THEMIS: variants seen among roughly 807,000 people sequenced by gnomAD.
THEMIS encodes the protein thymocyte selection associated.
THEMIS carries 37 observed loss-of-function variants against 52.6 expected under a neutral mutation model. That is an observed-to-expected ratio of 0.70 (90% CI 0.54 to 0.93). The LOEUF (loss-of-function observed/expected upper bound fraction) is 0.93, where lower values mean the gene tolerates loss of function less well. THEMIS is among the 40% of genes least tolerant of loss of function. THEMIS has a pLI of 0.00. For synonymous variants in THEMIS, 292 were observed against 272.7 expected (o/e 1.07, Z -0.70); for missense variants, 808 against 763.1 (o/e 1.06, Z -0.69).
intron 1 of THEMIS, among the ~76,000 whole-genome samples, chr6:127,878,554 A>G (rs1158577168): frequency 6.6e-6 from 1 of 152,224 alleles, no homozygotes; most frequent in African/African-American, 2.4e-5. Flanking sequence ...GCTATCATCT[A>G]CTTTCAAGAA....
chr6:127,721,872 T>C (rs1562214089), intron 4 of THEMIS, among the ~76,000 whole-genome samples: 1 of 152,052 alleles, frequency 6.6e-6, no homozygotes, highest in Non-Finnish European at 1.5e-5. Flanking sequence ...ATAAGCTTCA[T>C]GTTTGTTCAT....
intron 1 of THEMIS, among the ~76,000 whole-genome samples, chr6:127,876,024 T>G (rs946691492): frequency 6.6e-6 from 1 of 152,222 alleles, no homozygotes; most frequent in Non-Finnish European, 1.5e-5. Context: ...TTATCTGACA[T>G]CCAATGTTTT....
rs539302528 is a variant in THEMIS at position 127,759,158 on chromosome 6, A to G, written c.1759-39335T>C. On this transcript the variant is annotated intron_variant, in intron 4 of 5. Transcript: ENST00000368248. The stretch of plus-strand genomic sequence containing the variant: ...ATTTAAGCATAAATTTATACAGGGG[A>G]ATGAAGTAATACTTTTAAATAAAGA... Among the ~76,000 whole-genome samples, 49 of 152,306 alleles carry G rather than the reference A, an allele frequency of 3.2e-4. No individual in the cohort carries two copies. The South Asian group carries it at 7.0e-3, about 22-fold the overall frequency.
At chr6:127,741,195 C>A (rs1045241186) in intron 4 of THEMIS, among the ~76,000 whole-genome samples, 1 of 152,166 alleles carries the variant, frequency 6.6e-6, no homozygotes, top group Non-Finnish European at 1.5e-5. Flanking sequence ...AAGTTATAAA[C>A]CTATGCGTAA....
At chr6:127,848,076 C>G (rs1228860637) in intron 2 of THEMIS, among the ~76,000 whole-genome samples, 5 of 104,328 alleles carry the variant, frequency 4.8e-5, no homozygotes, top group Non-Finnish European at 9.9e-5. Context: ...CCCTCCCCCC[C>G]ACCCCACAAC....
chr6:127,858,969 A>T (rs897464255), intron 1 of THEMIS, among the ~76,000 whole-genome samples: 28 of 152,086 alleles, frequency 1.8e-4, no homozygotes, highest in African/African-American at 6.8e-4. Flanking sequence ...ACACATTAAT[A>T]TCCTTTTATG....
intron 4 of THEMIS, among the ~76,000 whole-genome samples, chr6:127,793,887 G>C (rs1777241457): frequency 6.6e-6 from 1 of 152,144 alleles, no homozygotes; most frequent in South Asian, 2.1e-4. Flanking sequence ...GCCAGGGCGA[G>C]AACCATATTC....
chr6:127,719,531 A>G (rs11758347), intron 5 of THEMIS, among the ~76,000 whole-genome samples, 157 bp downstream of exon 5: 8,360 of 152,074 alleles, frequency 0.055, 265 homozygotes, highest in Non-Finnish European at 0.08. Context: ...CATGCTTCAC[A>G]TAAATCTTCA....
intron 4 of THEMIS, among the ~76,000 whole-genome samples, chr6:127,725,843 G>A (rs904062781): frequency 6.6e-6 from 1 of 152,010 alleles, no homozygotes; most frequent in Non-Finnish European, 1.5e-5. Context: ...GCAGCCTTAC[G>A]TTGTTTACAG....
intron 4 of THEMIS, among the ~76,000 whole-genome samples, chr6:127,746,912 T>A (rs13211983): frequency 0.34 from 20,122 of 58,812 alleles, 4,006 homozygotes; most frequent in Non-Finnish European, 0.45. Flanking sequence ...ATATTATATA[T>A]AATTATATAT....
rs150519119 is a variant in THEMIS, at chr6:127,789,876, T to G, written c.1758+23007A>C. On this transcript the variant is annotated intron_variant, in intron 4 of 5. Coordinates refer to ENST00000368248, the MANE Select transcript of THEMIS (RefSeq NM_001010923.3). Reference sequence around the variant, plus strand: ...AAACTAGGTATTGATGGAACATATCTCAAAATAATAAGAGCCATTTATGAC... The same window carrying G: ...AAACTAGGTATTGATGGAACATATCGCAAAATAATAAGAGCCATTTATGAC... 8.0e-3 allele frequency among the ~76,000 whole-genome samples: 1,212 copies of G among 152,290 alleles called. 11 individuals carry two copies. Among genetic ancestry groups the G allele is most frequent in the Admixed American group, 0.015 (223 of 15,292 alleles).
At chr6:127,752,358 G>A (rs1359519237) in intron 4 of THEMIS, among the ~76,000 whole-genome samples, 4 of 129,536 alleles carry the variant, frequency 3.1e-5, no homozygotes, top group East Asian at 2.0e-4. Flanking sequence ...GTAATGAAAC[G>A]AAGAGTTTTT....
chr6:127,704,785 C>T (rs1773779150), downstream of THEMIS, among the ~76,000 whole-genome samples: 1 of 152,176 alleles, frequency 6.6e-6, no homozygotes, highest in Non-Finnish European at 1.5e-5. Flanking sequence ...ACACAAGGCA[C>T]TCACCCACAT....
At chr6:127,700,605 TG>T in the THEMIS span, among the ~76,000 whole-genome samples, 1 of 152,000 alleles carries the variant, frequency 6.6e-6, no homozygotes, top group East Asian at 1.9e-4. Flanking sequence ...TTTATTAGCA[TG>T]TGAGATAAAT....
At chr6:127,915,498 T>C (rs1422838678) in intron 1 of THEMIS, among the ~76,000 whole-genome samples, 4 of 148,886 alleles carry the variant, frequency 2.7e-5, no homozygotes, top group African/African-American at 5.0e-5. Context: ...ACTTACTAAG[T>C]AAAGGCAGGG....
chr6:127,844,959 A>G (rs1394330680), intron 2 of THEMIS, among the ~76,000 whole-genome samples: 3 of 151,710 alleles, frequency 2.0e-5, no homozygotes, highest in Admixed American at 2.0e-4. Context: ...AACATTTTTG[A>G]GGTGTCAAAA....
intron 4 of THEMIS, among the ~76,000 whole-genome samples, chr6:127,750,080 ATCATTGTTATTACAGAGG>A (rs1775583811): frequency 6.7e-6 from 1 of 149,956 alleles, no homozygotes; most frequent in South Asian, 2.1e-4. Context: ...ATTCATTATA[ATCATTGTTATTACAGAGG>A]CATTATCACA....
intron 1 of THEMIS, among the ~76,000 whole-genome samples, chr6:127,908,921 T>C (rs1370723321): frequency 2.0e-5 from 3 of 152,070 alleles, no homozygotes; most frequent in Non-Finnish European, 4.4e-5. Context: ...TCCTGTATTA[T>C]TAAAAGTAGA....
intron 4 of THEMIS, among the ~76,000 whole-genome samples, chr6:127,754,343 C>T (rs1179884126): frequency 1.3e-5 from 2 of 152,108 alleles, no homozygotes; most frequent in African/African-American, 2.4e-5. Context: ...ATATTTAGTA[C>T]ATAATTCTTA....
Sources: allele counts gnomAD v4.1 joint callset (sites outside exome capture counted in the v4.1 genomes callset), GRCh38; gene constraint gnomAD v4.1.1; transcripts MANE v1.5; gene names NCBI Gene and HGNC (gene_info 2026-07-23, HGNC 2026-07-21).